The following LAMA2 variants were observed in gnomAD, a reference collection of about 807,000 sequenced individuals.
The protein encoded by LAMA2 is laminin subunit alpha 2.
A neutral mutation model predicts 364.8 loss-of-function variants in LAMA2; 269 were observed. The observed-to-expected ratio is 0.74, with a 90% CI of 0.67 to 0.82. The LOEUF is 0.82. LAMA2 is among the 40% of genes least tolerant of loss of function. LAMA2 has a pLI of 0.00. For missense variants in LAMA2, 3,807 were observed against 3,873.2 expected (o/e 0.98, Z 0.45); for synonymous variants, 1,379 against 1,370.6 (o/e 1.01, Z -0.14).
At chr6:129,345,403 A>G (rs1042487278) in intron 30 of LAMA2, among the ~76,000 whole-genome samples, 3 of 152,192 alleles carry the variant, frequency 2.0e-5, no homozygotes, top group Non-Finnish European at 4.4e-5. Flanking sequence ...ATCAATAATG[A>G]AAGCAGAATT....
chr6:128,903,245 T>C (rs1300616140), intron 1 of LAMA2, among the ~76,000 whole-genome samples: 4 of 152,150 alleles, frequency 2.6e-5, no homozygotes, highest in Non-Finnish European at 5.9e-5. Flanking sequence ...ATTGACGTAA[T>C]TTTAAACTTC....
chr6:129,191,242 A>T (rs1398365013), intron 11 of LAMA2, among the ~76,000 whole-genome samples: 2 of 152,234 alleles, frequency 1.3e-5, no homozygotes, highest in Admixed American at 1.3e-4. Context: ...ATTTAGATAA[A>T]CTATTTCCTA....
At chr6:129,134,636 G>A (rs898578294) in intron 4 of LAMA2, among the ~76,000 whole-genome samples, 1 of 152,136 alleles carries the variant, frequency 6.6e-6, no homozygotes, top group East Asian at 1.9e-4. Flanking sequence ...CTCATAAGGA[G>A]CCTGCAAGCT....
intron 29 of LAMA2, among the ~76,000 whole-genome samples, chr6:129,340,751 C>G (rs1465493683): frequency 6.7e-6 from 1 of 149,518 alleles, no homozygotes; most frequent in East Asian, 2.0e-4. Flanking sequence ...GCAGGAGAAT[C>G]CCTTTATTCA....
chr6:129,507,238 A>C (rs1562634683), intron 61 of LAMA2, among the ~76,000 whole-genome samples: 1 of 152,144 alleles, frequency 6.6e-6, no homozygotes, highest in Non-Finnish European at 1.5e-5. Flanking sequence ...CATAGTGTGC[A>C]GTATTTAGAC....
chr6:129,408,483 A>G (rs9402123), intron 40 of LAMA2, among the ~76,000 whole-genome samples: 6,793 of 152,208 alleles, frequency 0.045, 363 homozygotes, highest in East Asian at 0.19. Flanking sequence ...ATGACAGCGA[A>G]TAAGGCATTC....
At chr6:129,477,759 T>TAA (rs911813178) in intron 53 of LAMA2, among the ~76,000 whole-genome samples, 11 of 152,126 alleles carry the variant, frequency 7.2e-5, no homozygotes, top group African/African-American at 2.7e-4. Flanking sequence ...GGTCAATCTG[T>TAA]AAACTAAATT....
Position 129,342,365 on chromosome 6 carries a change from G to A in LAMA2, c.4334G>A (p.Gly1445Asp). 2.5e-6 allele frequency: 4 copies of A among 1,613,278 alleles called. No individual in the cohort carries two copies. The highest frequency in any genetic ancestry group is 3.4e-6 in the Non-Finnish European group (4 of 1,179,404). ...CAGAATTGTCAACATCACACTGCTGGTGACTTCTGTGAACGATGTGCTCTT... is the reference window on the plus strand; with the variant it reads ...CAGAATTGTCAACATCACACTGCTGATGACTTCTGTGAACGATGTGCTCTT... ...ICQNCQHHTA[G>D]DFCERCALGY... The change falls in exon 30 of 65, where the codon GGT (glycine) becomes GAT (aspartate). Residue 1445 changes from glycine (G) to aspartate (D), a missense_variant. Transcript: ENST00000421865.
rs66896334 is a variant in LAMA2 at position 129,251,040 on chromosome 6, TTCTC to T, written c.1884+861_1884+864del. Among the ~76,000 whole-genome samples, 568 of 61,568 alleles carry T rather than the reference TTCTC, an allele frequency of 9.2e-3. 7 individuals are homozygous for T. Among genetic ancestry groups the T allele is most frequent in the African/African-American group, 0.021 (305 of 14,218 alleles). The allele number at this position is 61,568 out of a possible 152,430, so 40.4% of individuals were successfully genotyped here. ...TTTCTCTCTCTCTCTGTCTCTCTCT[TTCTC>T]TCTCTCTCTCTCTCTCTCTCTCTCT... On this transcript the variant is annotated intron_variant, in intron 13 of 64. Transcript: ENST00000421865.
chr6:129,454,036 G>A, intron 46 of LAMA2, 119 bp from the exon 47 acceptor site: 1 of 624,062 alleles, frequency 1.6e-6, no homozygotes, highest in Middle Eastern at 3.0e-4. Flanking sequence ...GTATTATCAT[G>A]AAGCTCCTAA....
At chr6:129,402,661 G>A (rs986703963) in intron 39 of LAMA2, among the ~76,000 whole-genome samples, 174 bp downstream of exon 39, 4 of 152,148 alleles carry the variant, frequency 2.6e-5, no homozygotes, top group Non-Finnish European at 5.9e-5. Context: ...GCAAAGCTTT[G>A]CTACAGCAGC....
intron 12 of LAMA2, among the ~76,000 whole-genome samples, chr6:129,222,079 A>G (rs1193529471): frequency 6.6e-6 from 1 of 152,200 alleles, no homozygotes; most frequent in Non-Finnish European, 1.5e-5. Flanking sequence ...GCTGCAGGGT[A>G]ACGGGGTGGT....
rs71568938 is a variant in LAMA2 at position 129,213,887 on chromosome 6, A to G, written c.1782+21034A>G. On this transcript the variant is annotated intron_variant, in intron 12 of 64. Coordinates refer to ENST00000421865, the MANE Select transcript of LAMA2 (RefSeq NM_000426.4). The stretch of plus-strand genomic sequence containing the variant: ...AAAATCTAAAATGAATTTTTATTTC[A>G]TGGATCTTGACTTTAGTGTTATATA... Among the ~76,000 whole-genome samples, 390 of 152,228 alleles carry G rather than the reference A, an allele frequency of 2.6e-3. 4 individuals carry two copies. Among genetic ancestry groups the G allele is most frequent in the Non-Finnish European group, 1.6e-3 (108 of 68,002 alleles).
intron 58 of LAMA2, among the ~76,000 whole-genome samples, chr6:129,498,977 T>C (rs1416597986): frequency 2.0e-5 from 3 of 152,196 alleles, no homozygotes; most frequent in Non-Finnish European, 4.4e-5. Context: ...TTTGGTGCAC[T>C]ATCTACTTCC....
In LAMA2 at chr6:129,248,941, G is replaced by A. The variant is rs1785969738; in HGVS notation, c.1783-1171G>A. On this transcript the variant is annotated intron_variant, in intron 12 of 64. Coordinates refer to ENST00000421865, the MANE Select transcript of LAMA2 (RefSeq NM_000426.4). The stretch of plus-strand genomic sequence containing the variant: ...ATATGTGAAAAGACATTCGAATAAG[G>A]CCATTTCTCAGTGGATTAGGGGAAT... Among the ~76,000 whole-genome samples, 3 of 152,126 alleles carry A rather than the reference G, an allele frequency of 2.0e-5. No homozygotes were observed. The South Asian group carries it at 6.2e-4, about 32-fold the overall frequency.
intron 1 of LAMA2, among the ~76,000 whole-genome samples, chr6:128,890,568 CAT>C (rs1491298639): frequency 2.6e-4 from 40 of 151,920 alleles, no homozygotes; most frequent in Admixed American, 4.6e-4. Context: ...CACACACACA[CAT>C]GCTGCTTATT....
chr6:129,316,022 C>T lies in LAMA2; in HGVS notation c.3925-16C>T. Reference sequence around the variant, plus strand: ...GCATTCAGTTTTGTCATAGTGATTTCTCTTCTTGTTAACAGAAAGAATGGA... The same window carrying T: ...GCATTCAGTTTTGTCATAGTGATTTTTCTTCTTGTTAACAGAAAGAATGGA... On this transcript the variant is annotated splice_polypyrimidine_tract_variant and intron_variant, in intron 26 of 64. Transcript: ENST00000421865. 1 of 1,614,032 alleles carries T rather than the reference C, an allele frequency of 6.2e-7. No homozygotes were observed. The highest frequency in any genetic ancestry group is 8.5e-7 in the Non-Finnish European group (1 of 1,179,964).
intron 12 of LAMA2, among the ~76,000 whole-genome samples, chr6:129,222,215 T>A (rs895358268): frequency 3.3e-5 from 5 of 151,836 alleles, no homozygotes; most frequent in South Asian, 2.1e-4. Context: ...TAAAATAGAG[T>A]CACGATTAGA....
chr6:128,926,208 T>C (rs962829497), intron 1 of LAMA2, among the ~76,000 whole-genome samples: 16 of 152,156 alleles, frequency 1.1e-4, no homozygotes, highest in African/African-American at 2.7e-4. Context: ...TGAAATTGCA[T>C]CTTTCCACAA....
Sources: allele counts gnomAD v4.1 joint callset (sites outside exome capture counted in the v4.1 genomes callset), GRCh38; gene constraint gnomAD v4.1.1; transcripts MANE v1.5; gene names NCBI Gene and HGNC (gene_info 2026-07-23, HGNC 2026-07-21).